NALF1: variants seen among roughly 807,000 people sequenced by gnomAD.
NALF1 encodes family with sequence similarity 155 member A.
Under a neutral mutation model 48.4 loss-of-function variants are expected in NALF1, and 3 were observed. The ratio of observed to expected loss-of-function variants is 0.06; its 90% CI spans 0.03 to 0.16. The LOEUF is 0.16. NALF1 is among the 10% of genes least tolerant of loss of function. The pLI is 1.00. For synonymous variants in NALF1, 262 were observed against 245.7 expected (o/e 1.07, Z -0.62); for missense variants, 526 against 571.5 (o/e 0.92, Z 0.81).
intron 1 of NALF1, among the ~76,000 whole-genome samples, chr13:107,418,517 C>T (rs1236026597): frequency 6.6e-6 from 1 of 152,106 alleles, no homozygotes; most frequent in Non-Finnish European, 1.5e-5. Context: ...ATTATTTGTA[C>T]ACAACTGTAG....
chr13:107,518,545 T>C (rs970138847), intron 1 of NALF1, among the ~76,000 whole-genome samples: 9 of 152,178 alleles, frequency 5.9e-5, no homozygotes, highest in Non-Finnish European at 1.2e-4. Flanking sequence ...TTGTGTTATG[T>C]GTCAGTCAAT....
At chr13:107,726,913 TTG>T (rs1171461096) in intron 1 of NALF1, among the ~76,000 whole-genome samples, 29,081 of 125,624 alleles carry the variant, frequency 0.23, 3,733 homozygotes, top group Non-Finnish European at 0.26. Context: ...CGGCAAATTC[TTG>T]TGTGTGTGTG....
At position 107,611,243 on chromosome 13, in the gene NALF1, G is replaced by A. The variant is rs978465867; in HGVS notation, c.915+254439C>T. On this transcript the variant is annotated intron_variant, in intron 1 of 2. Coordinates refer to ENST00000375915, the MANE Select transcript of NALF1 (RefSeq NM_001080396.3). ...AGAGCTTGAAACGGAGTCCTCTGTCGGTAGGATGGTAAAATGGTGCAGCTG... is the reference window on the plus strand; with the variant it reads ...AGAGCTTGAAACGGAGTCCTCTGTCAGTAGGATGGTAAAATGGTGCAGCTG... Among the ~76,000 whole-genome samples, 9 of 152,164 alleles carry A rather than the reference G, an allele frequency of 5.9e-5. No individual in the cohort carries two copies. The South Asian group carries it at 6.2e-4, about 11-fold the overall frequency.
chr13:107,264,040 C>G (rs1372066991), intron 1 of NALF1, among the ~76,000 whole-genome samples: 1 of 152,140 alleles, frequency 6.6e-6, no homozygotes, highest in Non-Finnish European at 1.5e-5. Flanking sequence ...CTGGTAGATT[C>G]AGATACAAAT....
At chr13:107,497,657 T>C (rs1875384351) in intron 1 of NALF1, among the ~76,000 whole-genome samples, 1 of 152,196 alleles carries the variant, frequency 6.6e-6, no homozygotes, top group Non-Finnish European at 1.5e-5. Context: ...ATCCCCAGTG[T>C]CCCTATAGCA....
intron 1 of NALF1, among the ~76,000 whole-genome samples, chr13:107,720,082 C>T (rs537086298): frequency 3.4e-4 from 52 of 152,338 alleles, no homozygotes; most frequent in South Asian, 6.2e-4. Flanking sequence ...CTCCTGCCCA[C>T]GTGCAACTAG....
intron 1 of NALF1, among the ~76,000 whole-genome samples, chr13:107,814,592 G>A (rs1469876197): frequency 6.6e-6 from 1 of 151,704 alleles, no homozygotes; most frequent in Non-Finnish European, 1.5e-5. Flanking sequence ...AGATAAAGAG[G>A]GATACTTTAT....
At chr13:107,173,818 G>A (rs1878855517) in intron 2 of NALF1, among the ~76,000 whole-genome samples, 1 of 152,172 alleles carries the variant, frequency 6.6e-6, no homozygotes, top group East Asian at 1.9e-4. Context: ...AGAAATGATC[G>A]TTCTTCAGAT....
At chr13:107,733,622 T>G (rs1876378325) in intron 1 of NALF1, among the ~76,000 whole-genome samples, 1 of 152,176 alleles carries the variant, frequency 6.6e-6, no homozygotes, top group South Asian at 2.1e-4. Context: ...AGTATTAGTG[T>G]AAAATAAGGA....
chr13:107,582,569 C>T (rs1302993289), intron 1 of NALF1, among the ~76,000 whole-genome samples: 1 of 152,154 alleles, frequency 6.6e-6, no homozygotes, highest in Non-Finnish European at 1.5e-5. Context: ...GGAGGCATGA[C>T]TGGCTATGGG....
At chr13:107,594,662 T>C (rs946766802) in intron 1 of NALF1, among the ~76,000 whole-genome samples, 4 of 152,102 alleles carry the variant, frequency 2.6e-5, no homozygotes, top group African/African-American at 9.7e-5. Context: ...TATATATTCA[T>C]ATAAGTTTGT....
chr13:107,220,971 TA>T (rs887289291), intron 1 of NALF1, among the ~76,000 whole-genome samples: 1 of 151,778 alleles, frequency 6.6e-6, no homozygotes, highest in Non-Finnish European at 1.5e-5. Flanking sequence ...TAGTCAGCCA[TA>T]AAAAAAAGAA....
At chr13:107,371,451 TA>T (rs1883247017) in intron 1 of NALF1, among the ~76,000 whole-genome samples, 1 of 126,850 alleles carries the variant, frequency 7.9e-6, no homozygotes, top group Non-Finnish European at 1.7e-5. Context: ...GTCTAAAAAA[TA>T]AAAATAAAAT....
intron 1 of NALF1, among the ~76,000 whole-genome samples, chr13:107,517,459 T>C (rs977104173): frequency 2.6e-5 from 4 of 151,564 alleles, no homozygotes; most frequent in Middle Eastern, 3.4e-3. Flanking sequence ...TGAAACCCCG[T>C]CTCTGCAAAA....
At chr13:107,254,062 A>AAAAAAATATATATAT in intron 1 of NALF1, among the ~76,000 whole-genome samples, 1 of 138,582 alleles carries the variant, frequency 7.2e-6, no homozygotes, top group African/African-American at 2.7e-5. Flanking sequence ...CAAGTACTAA[A>AAAAAAATATATATAT]ATATATATAT....
intron 1 of NALF1, among the ~76,000 whole-genome samples, chr13:107,491,694 T>A (rs1875118626): frequency 6.6e-6 from 1 of 152,188 alleles, no homozygotes; most frequent in South Asian, 2.1e-4. Context: ...TAATGTCTTG[T>A]TTGTGCCATA....
Position 107,471,506 on chromosome 13 carries a change from T to C in NALF1, c.916-260751A>G, listed in dbSNP as rs566522070. The stretch of plus-strand genomic sequence containing the variant: ...AGTTTCTGCTGTACATATTCTAATA[T>C]TGTGGGACTTATTTAGAAAGTGCCA... On this transcript the variant is annotated intron_variant, in intron 1 of 2. Coordinates refer to ENST00000375915, the MANE Select transcript of NALF1 (RefSeq NM_001080396.3). 2.4e-5 allele frequency among the ~76,000 whole-genome samples: 3 copies of C among 125,056 alleles called. No homozygotes were observed. The South Asian group carries it at 8.4e-4, about 35-fold the overall frequency. The allele number at this position is 125,056 out of a possible 152,430, so 82.0% of individuals were successfully genotyped here.
intron 1 of NALF1, among the ~76,000 whole-genome samples, chr13:107,258,908 C>T (rs1415113452): frequency 3.9e-5 from 6 of 152,262 alleles, no homozygotes; most frequent in Non-Finnish European, 5.9e-5. Context: ...TTGAAGTATG[C>T]TCATGATGAA....
chr13:107,808,290 A>C (rs1054249807), intron 1 of NALF1, among the ~76,000 whole-genome samples: 1 of 152,140 alleles, frequency 6.6e-6, no homozygotes, highest in African/African-American at 2.4e-5. Context: ...TCTCGGCTCC[A>C]TCTGTCAGGC....
Sources: allele counts gnomAD v4.1 joint callset (sites outside exome capture counted in the v4.1 genomes callset), GRCh38; gene constraint gnomAD v4.1.1; transcripts MANE v1.5; gene names NCBI Gene and HGNC (gene_info 2026-07-23, HGNC 2026-07-21).